SSH2: variants seen among roughly 807,000 people sequenced by gnomAD.
The protein encoded by SSH2 is protein phosphatase Slingshot homolog 2.
SSH2 carries 37 observed loss-of-function variants against 135.2 expected under a neutral mutation model. The observed-to-expected ratio is 0.27, with a 90% CI of 0.21 to 0.36. The LOEUF is 0.36. SSH2 is among the 10% of genes least tolerant of loss of function. The pLI, the probability that SSH2 is intolerant of heterozygous loss-of-function variation, is 1.00. For synonymous variants in SSH2, 628 were observed against 646.2 expected (o/e 0.97, Z 0.43); for missense variants, 1,408 against 1,765.3 (o/e 0.80, Z 3.63).
chr17:29,632,313 T>C lies in SSH2; in HGVS notation c.2881A>G (p.Lys961Glu). ...VLKEPEMSKG[K>E]GKYSGSEAGS... The stretch of plus-strand genomic sequence containing the variant: ...GCCTCAGACCCACTGTATTTCCCTT[T>C]GCCTTTGCTCATTTCTGGTTCCTTG... Residue 961 changes from lysine (K) to glutamate (E), a missense_variant, in exon 16 of 16, where the codon AAA becomes GAA. Physicochemically the swap from Lys to Glu is moderately conservative, Grantham distance 56. Transcript: ENST00000540801. The C allele has an allele frequency of 6.2e-7, 1 of 1,614,116 alleles. No homozygotes were observed. Among genetic ancestry groups the C allele is most frequent in the Non-Finnish European group, 8.5e-7 (1 of 1,179,956 alleles).
intron 3 of SSH2, among the ~76,000 whole-genome samples, chr17:29,766,890 A>C (rs2041459190): frequency 6.6e-6 from 1 of 152,222 alleles, no homozygotes; most frequent in Non-Finnish European, 1.5e-5. Context: ...ATAATATCTG[A>C]ATTTTCACCA....
chr17:29,860,897 C>T (rs1168733438), intron 1 of SSH2, among the ~76,000 whole-genome samples: 1 of 151,738 alleles, frequency 6.6e-6, no homozygotes, highest in Non-Finnish European at 1.5e-5. Context: ...AAGCGTGTGC[C>T]ATGACGCCCG....
Position 29,636,179 on chromosome 17 carries a change from T to C in SSH2, c.2051A>G (p.Glu684Gly), listed in dbSNP as rs138448323. 8.2e-5 allele frequency: 133 copies of C among 1,613,996 alleles called. No individual in the cohort carries two copies. The highest frequency in any genetic ancestry group is 1.1e-4 in the Non-Finnish European group (126 of 1,180,024). ...TTCTTGGGAGAGCTCCACAAACTTC[T>C]CTAGGGCACTAAAAAAGTCAATGCG... ...TDRIDFFSAL[E>G]KFVELSQETR... The change falls in exon 15 of 16, where the codon GAG (glutamate) becomes GGG (glycine). Residue 684 changes from glutamate to glycine, a missense_variant. This residue lies in a region of SSH2 where 1,080 missense variants were observed against 1,144.5 expected (regional missense o/e 0.94). Coordinates refer to ENST00000540801, the MANE Select transcript of SSH2 (RefSeq NM_001282129.2).
intron 6 of SSH2, among the ~76,000 whole-genome samples, chr17:29,681,401 A>C (rs2151070751): frequency 6.6e-6 from 1 of 151,236 alleles, no homozygotes; most frequent in South Asian, 2.1e-4. Context: ...GGACTGAATA[A>C]GGCACGCTTG....
intron 3 of SSH2, among the ~76,000 whole-genome samples, chr17:29,766,805 A>G (rs1199242262): frequency 1.3e-5 from 2 of 152,224 alleles, no homozygotes. Flanking sequence ...GAAGAAAACC[A>G]ACACTTAGAA....
chr17:29,908,805 G>T (rs1414063791), intron 1 of SSH2, among the ~76,000 whole-genome samples: 1 of 147,784 alleles, frequency 6.8e-6, no homozygotes, highest in South Asian at 2.1e-4. Flanking sequence ...TTGGCCGGGA[G>T]TGGTGGCTCA....
intron 1 of SSH2, among the ~76,000 whole-genome samples, chr17:29,859,165 T>C (rs2151402808): frequency 6.6e-6 from 1 of 152,318 alleles, no homozygotes; most frequent in Non-Finnish European, 1.5e-5. Context: ...TTCTAGCATC[T>C]AGTGGCTATC....
intron 1 of SSH2, among the ~76,000 whole-genome samples, chr17:29,878,716 T>TG (rs1254044376): frequency 2.0e-5 from 3 of 152,166 alleles, no homozygotes; most frequent in Admixed American, 6.5e-5. Flanking sequence ...TTACTAGTCA[T>TG]AGTATTACCA....
intron 14 of SSH2, among the ~76,000 whole-genome samples, chr17:29,638,715 AT>A (rs1190296626): frequency 6.6e-6 from 1 of 151,736 alleles, no homozygotes; most frequent in Non-Finnish European, 1.5e-5. Flanking sequence ...CGCCTGGCTG[AT>A]TTTTTTATTT....
At chr17:29,883,437 T>C (rs2066176115) in intron 1 of SSH2, among the ~76,000 whole-genome samples, 1 of 152,180 alleles carries the variant, frequency 6.6e-6, no homozygotes, top group South Asian at 2.1e-4. Context: ...TCTGCTAATC[T>C]CTATAGTAGT....
intron 3 of SSH2, among the ~76,000 whole-genome samples, chr17:29,789,522 C>T (rs1389987230): frequency 6.6e-6 from 1 of 152,130 alleles, no homozygotes; most frequent in African/African-American, 2.4e-5. Context: ...GAAGGATCCC[C>T]CCAAAGGCAA....
intron 2 of SSH2, among the ~76,000 whole-genome samples, chr17:29,816,394 G>C (rs2042560277): frequency 6.6e-6 from 1 of 152,092 alleles, no homozygotes; most frequent in Admixed American, 6.5e-5. Context: ...TCTATACCCA[G>C]ACTGCCAGGG....
At chr17:29,773,456 C>T (rs1010430132) in intron 3 of SSH2, among the ~76,000 whole-genome samples, 3 of 152,180 alleles carry the variant, frequency 2.0e-5, no homozygotes, top group African/African-American at 7.2e-5. Flanking sequence ...CTAAGCACCT[C>T]ATGAATAGAT....
Position 29,628,838 on chromosome 17 carries a change from G to C in SSH2, c.*2003C>G, listed in dbSNP as rs1056983891. On this transcript the variant is annotated 3_prime_UTR_variant, in exon 16 of 16. Transcript: ENST00000540801. ...GTCCAACCTGCTTCCTGGCAGGGAT[G>C]TCAGACCCAGCCTTGGCTTCCACAC... The C allele has an allele frequency of 3.9e-5, 6 of 152,248 alleles. No homozygotes were observed. The highest frequency in any genetic ancestry group is 1.4e-4 in the African/African-American group (6 of 41,428). The allele number at this position is 152,248 out of a possible 1,614,324, so 9.4% of individuals were successfully genotyped here.
chr17:29,753,910 T>G (rs1213663490), intron 3 of SSH2, among the ~76,000 whole-genome samples: 1 of 152,142 alleles, frequency 6.6e-6, no homozygotes, highest in Non-Finnish European at 1.5e-5. Flanking sequence ...CGCTAGAAAT[T>G]TATCTAAAGA....
intron 2 of SSH2, among the ~76,000 whole-genome samples, chr17:29,848,535 GA>G (rs903318793): frequency 6.6e-6 from 1 of 151,804 alleles, no homozygotes; most frequent in African/African-American, 2.4e-5. Context: ...TGCATGAGGG[GA>G]AAAAAATCCC....
At chr17:29,746,723 G>T (rs147600008) in intron 3 of SSH2, among the ~76,000 whole-genome samples, 105 of 152,140 alleles carry the variant, frequency 6.9e-4, no homozygotes, top group Middle Eastern at 3.4e-3. Flanking sequence ...GAGCTCTGTT[G>T]TAAGTGATAT....
At chr17:29,895,173 A>G (rs891524612) in intron 1 of SSH2, among the ~76,000 whole-genome samples, 3 of 145,976 alleles carry the variant, frequency 2.1e-5, no homozygotes, top group Admixed American at 7.0e-5. Context: ...TATAAAATAC[A>G]TTATACATAT....
At chr17:29,900,595 G>A (rs2066532636) in intron 1 of SSH2, among the ~76,000 whole-genome samples, 1 of 152,200 alleles carries the variant, frequency 6.6e-6, no homozygotes, top group African/African-American at 2.4e-5. Context: ...TCTCACACCA[G>A]TTAGAATGAT....
Sources: gnomAD v4.1 joint callset for allele counts (sites outside exome capture counted in the v4.1 genomes callset) on GRCh38, gnomAD v4.1.1 for gene constraint, gnomAD v4.1.1 regional missense constraint, MANE v1.5 for transcripts, NCBI Gene and HGNC (gene_info 2026-07-23, HGNC 2026-07-21) for gene names.